GNL2: variants seen among roughly 807,000 people sequenced by gnomAD.
GNL2 encodes G protein nucleolar 2, also known as nucleolar GTP-binding protein 2.
GNL2 carries 51 observed loss-of-function variants against 92.3 expected under a neutral mutation model. The ratio of observed to expected loss-of-function variants is 0.55; its 90% confidence interval spans 0.44 to 0.70. The LOEUF is 0.70. GNL2 is among the 30% of genes least tolerant of loss of function. The pLI, the probability that GNL2 is intolerant of heterozygous loss-of-function variation, is 0.00. For synonymous variants in GNL2, 283 were observed against 300.6 expected, an observed-to-expected ratio of 0.94 and a Z score of 0.61; for missense variants, 844 against 895.6, an observed-to-expected ratio of 0.94 and a Z score of 0.74.
intron 5 of GNL2, among the ~76,000 whole-genome samples, chr1:37,585,124 T>C (rs1161183957): frequency 2.8e-5 from 4 of 144,908 alleles, no homozygotes; most frequent in Non-Finnish European, 4.5e-5. Flanking sequence ...AGTGGTGCGA[T>C]CTTGGCTCAC....
rs1643812066 is a variant in GNL2, at chr1:37,583,946, G to A, written c.570-13C>T. The A allele has an allele frequency of 6.8e-7, 1 of 1,461,952 alleles. No individual in the cohort carries two copies. Among genetic ancestry groups the A allele is most frequent in the Non-Finnish European group, 9.6e-7 (1 of 1,039,836 alleles). The allele number at this position is 1,461,952 out of a possible 1,614,324, so 90.6% of individuals were successfully genotyped here. A position where few individuals can be genotyped will look rare whatever the true frequency, so the allele number is the denominator to read the frequency against. The stretch of plus-strand genomic sequence containing the variant: ...TTGAGCTTCATTTCTAAATAAGAAA[G>A]CACCCCAAATGAGCAACTGAAGCAC... On this transcript the variant is annotated splice_polypyrimidine_tract_variant and intron_variant, in intron 5 of 15. Transcript: ENST00000373062.
At chr1:37,580,199 C>T (rs562417258) in intron 8 of GNL2, among the ~76,000 whole-genome samples, 288 of 152,156 alleles carry the variant, frequency 1.9e-3, no homozygotes, top group Middle Eastern at 6.8e-3. Context: ...GAGGCCAAAA[C>T]GAGGCAGGAG....
chr1:37,578,587 T>C (rs888595505), intron 8 of GNL2, among the ~76,000 whole-genome samples: 2 of 151,924 alleles, frequency 1.3e-5, no homozygotes, highest in African/African-American at 4.8e-5. Flanking sequence ...AAACAGGGTC[T>C]TCCCTTGTCA....
At chr1:37,586,827 A>C (rs1643856558) in intron 5 of GNL2, among the ~76,000 whole-genome samples, 2 of 152,228 alleles carry the variant, frequency 1.3e-5, no homozygotes, top group Admixed American at 6.5e-5. Context: ...TCTTCAGTCT[A>C]GCCCCAATTT....
intron 15 of GNL2, 37 bp from the exon 16 acceptor site, chr1:37,567,044 C>A (rs1298122728): frequency 6.3e-6 from 10 of 1,596,062 alleles, no homozygotes; most frequent in Non-Finnish European, 8.5e-6. Context: ...AGAAAAAAAA[C>A]AACAAAACCC....
Position 37,575,691 on chromosome 1 carries a change from C to T in GNL2, c.1047G>A (p.Gln349=), listed in dbSNP as rs973372458. 9 of 1,591,592 alleles carry T rather than the reference C, an allele frequency of 5.7e-6. No individual in the cohort carries two copies. The highest frequency in any genetic ancestry group is 1.4e-5 in the African/African-American group (1 of 73,518). The change falls in exon 10 of 16, where the codon CAG becomes CAA. Residue 349 remains glutamine (Q), a synonymous_variant. Transcript: ENST00000373062. This position sits in a 1 kb window ranked among gnomAD's most constrained non-coding sequence, Gnocchi z 4.1. ...ATATCCGACGCATCAAAGTAATATA[C>T]TGCCAGACCTGAAGTCAGAAAAAAG... ...APIAGETKVW[Q]YITLMRRIFL...
intron 14 of GNL2, 72 bp from the exon 15 acceptor site, chr1:37,567,836 G>T: frequency 1.7e-6 from 2 of 1,166,012 alleles, no homozygotes; most frequent in Non-Finnish European, 2.6e-6. Flanking sequence ...GTGGGAACAA[G>T]CTTGATGTAT....
Position 37,574,765 on chromosome 1 carries a change from G to A in GNL2, c.1202C>T (p.Ala401Val). Residue 401 changes from alanine to valine, a missense_variant, in exon 11 of 16, where the codon GCA becomes GTA. By Grantham distance (64) the Ala-to-Val change is moderately conservative. Transcript: ENST00000373062. ...TGTTTTGCTGATATATTCTGGCTTTGCTCGTTCAAGTACAGCACCAATGTG... is the reference window on the plus strand; with the variant it reads ...TGTTTTGCTGATATATTCTGGCTTTACTCGTTCAAGTACAGCACCAATGTG... ...EDHIGAVLER[A>V]KPEYISKTYK... 6.2e-7 allele frequency: 1 copy of A among 1,613,260 alleles called. No homozygotes were observed. The highest frequency in any genetic ancestry group is 8.5e-7 in the Non-Finnish European group (1 of 1,179,204).
chr1:37,569,217 C>T lies in GNL2; in HGVS notation c.1502G>A (p.Gly501Glu). 1 of 1,613,910 alleles carries T rather than the reference C, an allele frequency of 6.2e-7. No individual in the cohort carries two copies. Among genetic ancestry groups the T allele is most frequent in the Non-Finnish European group, 8.5e-7 (1 of 1,179,918 alleles). Residue 501 changes from glycine (G) to glutamate (E), a missense_variant, in exon 13 of 16, where the codon GGG becomes GAG. Coordinates refer to ENST00000373062, the MANE Select transcript of GNL2 (RefSeq NM_013285.3). ...TTCTTCCTTAATGATGGATTCTGAC[C>T]CTTCACCTGCAGTTTCTGTGACTTC... is the stretch of plus-strand genomic sequence containing the variant. Reference protein sequence around the residue: ...GEEVTETAGEGSESIIKEETE... With the variant: ...GEEVTETAGEESESIIKEETE...
intron 3 of GNL2, among the ~76,000 whole-genome samples, chr1:37,591,421 G>T (rs1005093816): frequency 6.6e-6 from 1 of 152,104 alleles, no homozygotes; most frequent in African/African-American, 2.4e-5. Flanking sequence ...AAACAGCAAG[G>T]TGGTAATGAC....
intron 8 of GNL2, among the ~76,000 whole-genome samples, chr1:37,580,960 C>A (rs1643757330): frequency 6.6e-6 from 1 of 152,206 alleles, no homozygotes; most frequent in African/African-American, 2.4e-5. Flanking sequence ...CAGGCTGCAA[C>A]CCTTTATGAG....
In GNL2 at chr1:37,593,753, A is replaced by T. The variant is rs1438289067; in HGVS notation, c.149+9T>A. The T allele has an allele frequency of 1.9e-6, 3 of 1,599,704 alleles. No homozygotes were observed. In the East Asian group the frequency reaches 6.7e-5, roughly 36 times the overall value. ...GAAAAGAGAAAGGATGACAGCACCCAGTGCTCACCTGCGCTCCTTTTGCCT... is the reference window on the plus strand; with the variant it reads ...GAAAAGAGAAAGGATGACAGCACCCTGTGCTCACCTGCGCTCCTTTTGCCT... On this transcript the variant is annotated intron_variant, in intron 2 of 15. Transcript: ENST00000373062.
At chr1:37,587,570 G>A in intron 4 of GNL2, 75 bp from the exon 5 acceptor site, 1 of 895,690 alleles carries the variant, frequency 1.1e-6, no homozygotes, top group Non-Finnish European at 1.7e-6. Context: ...CACCCACCTA[G>A]GAAAGACTTT....
At chr1:37,593,345 C>G (rs1643899824) in intron 2 of GNL2, 1 of 174,578 alleles carries the variant, frequency 5.7e-6, no homozygotes, top group Non-Finnish European at 1.2e-5. Flanking sequence ...TAGAGGCTAC[C>G]TCAGCAGAAC....
At chr1:37,584,863 T>C (rs12021739) in intron 5 of GNL2, among the ~76,000 whole-genome samples, 81,068 of 151,436 alleles carry the variant, frequency 0.54, 22,705 homozygotes, top group East Asian at 0.63. Context: ...CAGTGGATCA[T>C]AAGGCCAGGA....
At chr1:37,580,643 C>T (rs1021242673) in intron 8 of GNL2, among the ~76,000 whole-genome samples, 1 of 152,162 alleles carries the variant, frequency 6.6e-6, no homozygotes, top group Non-Finnish European at 1.5e-5. Flanking sequence ...AGAAAGACGA[C>T]GCTGCAGCAG....
intron 12 of GNL2, among the ~76,000 whole-genome samples, chr1:37,572,512 T>C (rs1369671757): frequency 6.6e-6 from 1 of 152,142 alleles, no homozygotes; most frequent in Non-Finnish European, 1.5e-5. Flanking sequence ...ACAGATTTCA[T>C]CAGTCATGTC....
intron 13 of GNL2, 118 bp downstream of exon 13, chr1:37,568,733 A>T: frequency 2.6e-6 from 2 of 772,946 alleles, no homozygotes; most frequent in Non-Finnish European, 4.4e-6. Flanking sequence ...ACAAACAAAA[A>T]ACCCAACCGA....
At chr1:37,569,628 T>C (rs978186463) in intron 12 of GNL2, 17 of 242,150 alleles carry the variant, frequency 7.0e-5, no homozygotes, top group Non-Finnish European at 1.3e-4. Flanking sequence ...TATAAGCACA[T>C]GCAAAATCAG....
Sources: gnomAD v4.1 joint callset for allele counts (sites outside exome capture counted in the v4.1 genomes callset) on GRCh38, gnomAD v4.1.1 for gene constraint, Gnocchi (gnomAD v3.1) non-coding constraint, MANE v1.5 for transcripts, NCBI Gene and HGNC (gene_info 2026-07-23, HGNC 2026-07-21) for gene names.